The following EFNA5 variants were observed in gnomAD, a reference collection of about 807,000 sequenced individuals.
The protein encoded by EFNA5 is ephrin-A5.
In EFNA5, 5 loss-of-function variants were observed where a neutral mutation model predicts 22.9. The observed-to-expected ratio is 0.22, with a 90% confidence interval of 0.11 to 0.46. The LOEUF (loss-of-function observed/expected upper bound fraction) is 0.46. Among genes scored for constraint, EFNA5 ranks in the 20% least tolerant of loss-of-function variants. The pLI, the probability that EFNA5 is intolerant of heterozygous loss-of-function variation, is 0.99. For missense variants in EFNA5, 237 were observed against 293.3 expected (o/e 0.81, Z 1.40); for synonymous variants, 113 against 112.2 (o/e 1.01, Z -0.04).
intron 1 of EFNA5, among the ~76,000 whole-genome samples, chr5:107,602,843 GAA>G: frequency 8.0e-6 from 1 of 124,884 alleles, no homozygotes; most frequent in South Asian, 2.7e-4. Context: ...AAGAAAGAAA[GAA>G]AAAAATACTA....
intron 1 of EFNA5, among the ~76,000 whole-genome samples, chr5:107,579,443 A>C (rs1377241748): frequency 2.6e-5 from 4 of 152,128 alleles, no homozygotes; most frequent in African/African-American, 9.7e-5. Flanking sequence ...CTGCTGCTGA[A>C]GTCTTTTCTT....
chr5:107,645,118 C>T (rs1296128239), intron 1 of EFNA5, among the ~76,000 whole-genome samples: 3 of 152,262 alleles, frequency 2.0e-5, no homozygotes, highest in Non-Finnish European at 2.9e-5. Context: ...AGGTATTAAG[C>T]CCCACATGCA....
chr5:107,395,034 C>CTTTTTT lies in EFNA5; in HGVS notation c.419-7269_419-7264dup, dbSNP rs58619326. 9.6e-4 allele frequency among the ~76,000 whole-genome samples: 83 copies of CTTTTTT among 86,124 alleles called. 7 individuals are homozygous for CTTTTTT. Among genetic ancestry groups the CTTTTTT allele is most frequent in the East Asian group, 2.9e-3 (10 of 3,422 alleles). 56.5% of individuals were successfully genotyped at this position (86,124 alleles called of 152,430 possible). A position where few individuals can be genotyped will look rare whatever the true frequency, so the allele number is the denominator to read the frequency against. On this transcript the variant is annotated intron_variant, in intron 2 of 4. Coordinates refer to ENST00000333274, the MANE Select transcript of EFNA5 (RefSeq NM_001962.3). ...CCCCTTATAAGAAGGATTTCTAGTT[C>CTTTTTT]TTTTTTTTTTTTTTTTTTCCGCGAG...
chr5:107,455,777 G>A (rs1326257178), intron 1 of EFNA5, among the ~76,000 whole-genome samples: 1 of 152,156 alleles, frequency 6.6e-6, no homozygotes. Context: ...GTTGCAACCT[G>A]GTTATGGATA....
intron 1 of EFNA5, among the ~76,000 whole-genome samples, chr5:107,552,219 G>C (rs1185595728): frequency 2.0e-5 from 3 of 152,078 alleles, no homozygotes; most frequent in Non-Finnish European, 4.4e-5. Context: ...ATGCCTAAGA[G>C]CCTTCCACAT....
intron 1 of EFNA5, among the ~76,000 whole-genome samples, chr5:107,481,293 G>A (rs1254576809): frequency 6.6e-6 from 1 of 152,202 alleles, no homozygotes; most frequent in East Asian, 1.9e-4. Flanking sequence ...GGCTGGATGA[G>A]AACTGAACTT....
intron 2 of EFNA5, among the ~76,000 whole-genome samples, chr5:107,423,672 T>C (rs969089354): frequency 1.3e-5 from 2 of 152,210 alleles, no homozygotes; most frequent in African/African-American, 4.8e-5. Flanking sequence ...CAACTTTCTG[T>C]AATTACTTTA....
intron 1 of EFNA5, among the ~76,000 whole-genome samples, chr5:107,542,975 AAAATAAAT>A (rs563788172): frequency 2.0e-5 from 3 of 152,130 alleles, no homozygotes; most frequent in Non-Finnish European, 4.4e-5. Context: ...TGTTATATTA[AAAATAAAT>A]AAATAAATAA....
chr5:107,585,738 A>C (rs1472669614), intron 1 of EFNA5, among the ~76,000 whole-genome samples: 1 of 152,250 alleles, frequency 6.6e-6, no homozygotes, highest in Admixed American at 6.5e-5. Context: ...TATGGAAAAG[A>C]TAATTCTCTT....
chr5:107,637,919 T>C (rs1226819748), intron 1 of EFNA5, among the ~76,000 whole-genome samples: 1 of 151,804 alleles, frequency 6.6e-6, no homozygotes, highest in Non-Finnish European at 1.5e-5. Flanking sequence ...CTATCTCGGC[T>C]AACTGCAAGC....
intron 1 of EFNA5, among the ~76,000 whole-genome samples, chr5:107,598,248 G>T (rs1271056226): frequency 6.6e-6 from 1 of 152,050 alleles, no homozygotes; most frequent in Non-Finnish European, 1.5e-5. Flanking sequence ...TACAGATCAG[G>T]AATCAGAGGA....
intron 1 of EFNA5, among the ~76,000 whole-genome samples, chr5:107,478,959 A>G (rs1750382517): frequency 6.6e-6 from 1 of 152,178 alleles, no homozygotes; most frequent in Non-Finnish European, 1.5e-5. Context: ...CTATACCAAA[A>G]GAGATGCAAA....
intron 1 of EFNA5, among the ~76,000 whole-genome samples, chr5:107,612,038 T>G (rs544846184): frequency 1.3e-5 from 2 of 152,336 alleles, no homozygotes; most frequent in East Asian, 3.9e-4. Context: ...GAATTAGCAA[T>G]GATTAACAGA....
intron 1 of EFNA5, among the ~76,000 whole-genome samples, chr5:107,451,585 A>C (rs1037137415): frequency 9.2e-5 from 14 of 152,194 alleles, no homozygotes; most frequent in African/African-American, 3.4e-4. Flanking sequence ...ATAAAGAGAA[A>C]ACGATGGTGA....
chr5:107,642,861 G>A (rs1750555634), intron 1 of EFNA5, among the ~76,000 whole-genome samples: 1 of 149,164 alleles, frequency 6.7e-6, no homozygotes, highest in Non-Finnish European at 1.5e-5. Flanking sequence ...AAAAATCTTA[G>A]AAATTATAGA....
chr5:107,552,336 C>T (rs1014218700), intron 1 of EFNA5, among the ~76,000 whole-genome samples: 2 of 152,170 alleles, frequency 1.3e-5, no homozygotes, highest in East Asian at 3.8e-4. Context: ...TAACTGAGGG[C>T]TGATTATATG....
Position 107,435,688 on chromosome 5 carries a change from C to T in EFNA5, c.126-8179G>A, listed in dbSNP as rs143611596. The stretch of plus-strand genomic sequence containing the variant: ...ATATTCCTAGAGAAGTGAAGGTTCA[C>T]AAGTTAAAAAAGTATTCAAGGATAA... On this transcript the variant is annotated intron_variant, in intron 1 of 4. Transcript: ENST00000333274. Among the ~76,000 whole-genome samples, 23 of 152,252 alleles carry T rather than the reference C, an allele frequency of 1.5e-4. No individual in the cohort carries two copies. In the East Asian group the frequency reaches 4.4e-3, roughly 29 times the overall value.
intron 1 of EFNA5, among the ~76,000 whole-genome samples, chr5:107,522,392 C>A (rs1747616986): frequency 6.6e-6 from 1 of 152,002 alleles, no homozygotes; most frequent in Admixed American, 6.6e-5. Flanking sequence ...CACTCTCTTT[C>A]TTTTTTTCTT....
intron 2 of EFNA5, among the ~76,000 whole-genome samples, chr5:107,395,991 G>A (rs1747913012): frequency 6.6e-6 from 1 of 152,152 alleles, no homozygotes; most frequent in Admixed American, 6.5e-5. Flanking sequence ...CGTTAGGCAA[G>A]GAAAGCAAAG....
Sources: gnomAD v4.1 joint callset for allele counts (sites outside exome capture counted in the v4.1 genomes callset) on GRCh38, gnomAD v4.1.1 for gene constraint, MANE v1.5 for transcripts, NCBI Gene and HGNC (gene_info 2026-07-23, HGNC 2026-07-21) for gene names.